The following PARP8 variants were observed in gnomAD, a reference collection of about 807,000 sequenced individuals.
PARP8 encodes protein mono-ADP-ribosyltransferase PARP8.
PARP8 carries 51 observed loss-of-function variants against 124.1 expected under a neutral mutation model. The ratio of observed to expected loss-of-function variants is 0.41; its 90% CI spans 0.33 to 0.52. PARP8 has a LOEUF of 0.52. Ranked by LOEUF, PARP8 falls within the 20% of genes least tolerant of loss-of-function variation. The probability of loss-of-function intolerance (pLI) is 0.21; values close to 1 mark genes in which losing one functional copy is unlikely to be tolerated. For missense variants in PARP8, 860 were observed against 1,018.9 expected (o/e 0.84, Z 2.12); for synonymous variants, 391 against 361.5 (o/e 1.08, Z -0.93).
intron 2 of PARP8, among the ~76,000 whole-genome samples, chr5:50,684,494 G>C (rs929129549): frequency 4.6e-5 from 7 of 151,456 alleles, no homozygotes; most frequent in Admixed American, 4.0e-4. Context: ...GATAATGAAG[G>C]TTTTATATAT....
chr5:50,768,482 T>C (rs1053091180), intron 7 of PARP8, among the ~76,000 whole-genome samples: 4 of 152,222 alleles, frequency 2.6e-5, no homozygotes, highest in African/African-American at 9.6e-5. Flanking sequence ...TGTGGAGGCA[T>C]TCTTTTCAGA....
intron 2 of PARP8, among the ~76,000 whole-genome samples, chr5:50,712,109 C>T (rs1754818833): frequency 6.6e-6 from 1 of 152,092 alleles, no homozygotes; most frequent in African/African-American, 2.4e-5. Context: ...TTAATCTTCA[C>T]TTTATTCAGA....
chr5:50,787,718 C>T (rs1015088704), intron 9 of PARP8, among the ~76,000 whole-genome samples: 6 of 151,696 alleles, frequency 4.0e-5, no homozygotes, highest in South Asian at 2.1e-4. Context: ...GAAAAATGAG[C>T]GACTTTTTTG....
chr5:50,668,475 A>C (rs955840291), intron 2 of PARP8: 44 of 193,532 alleles, frequency 2.3e-4, no homozygotes, highest in Admixed American at 1.5e-3. Flanking sequence ...AAAAGACATA[A>C]AATGTCACAA....
rs139226886 is a variant in PARP8 at position 50,811,678 on chromosome 5, T to G, written c.1576-3754T>G. 8.3e-3 allele frequency among the ~76,000 whole-genome samples: 1,263 copies of G among 152,132 alleles called. 9 individuals are homozygous for G. Among genetic ancestry groups the G allele is most frequent in the Non-Finnish European group, 0.012 (813 of 67,956 alleles). Reference sequence around the variant, plus strand: ...CTATGTATACATGTGCCATGTTGGTTTGCTGCACCCATTAACTCATCATCT... The same window carrying G: ...CTATGTATACATGTGCCATGTTGGTGTGCTGCACCCATTAACTCATCATCT... On this transcript the variant is annotated intron_variant, in intron 14 of 25. Transcript: ENST00000281631.
chr5:50,740,817 GAA>G lies in PARP8; in HGVS notation c.147-9321_147-9320del, dbSNP rs70972942. On this transcript the variant is annotated intron_variant, in intron 2 of 25. Transcript: ENST00000281631. ...AATAGAGTGAGACCTTTTCTCAAAA[GAA>G]AAAAAAAAAAAAGATTATATATTTG... Among the ~76,000 whole-genome samples, 293 of 123,104 alleles carry G rather than the reference GAA, an allele frequency of 2.4e-3. 9 individuals are homozygous for G. The South Asian group carries it at 0.05, about 21-fold the overall frequency. 80.8% of individuals were successfully genotyped at this position (123,104 alleles called of 152,430 possible).
chr5:50,712,682 A>C (rs1362209333), intron 2 of PARP8, among the ~76,000 whole-genome samples: 7 of 152,228 alleles, frequency 4.6e-5, no homozygotes, highest in East Asian at 1.9e-4. Context: ...ATAAAGCAGC[A>C]AACATTATAG....
At chr5:50,801,410 A>G (rs1157190878) in intron 14 of PARP8, among the ~76,000 whole-genome samples, 4 of 152,048 alleles carry the variant, frequency 2.6e-5, no homozygotes, top group East Asian at 1.9e-4. Flanking sequence ...CAAATTATCT[A>G]TTTTATTTTG....
chr5:50,707,824 G>A (rs180670799), intron 2 of PARP8, among the ~76,000 whole-genome samples: 180 of 152,088 alleles, frequency 1.2e-3, no homozygotes, highest in African/African-American at 4.1e-3. Flanking sequence ...CTTATTTAAC[G>A]TATTTTAGAA....
chr5:50,784,249 A>G (rs1248197154), intron 9 of PARP8, among the ~76,000 whole-genome samples: 1 of 152,186 alleles, frequency 6.6e-6, no homozygotes, highest in Non-Finnish European at 1.5e-5. Flanking sequence ...CTAATCTGAC[A>G]GTATATCTGT....
chr5:50,709,769 GA>G (rs1272805895), intron 2 of PARP8, among the ~76,000 whole-genome samples: 7 of 150,450 alleles, frequency 4.7e-5, no homozygotes, highest in Non-Finnish European at 7.4e-5. Flanking sequence ...AAGGAGAAAA[GA>G]AAAAGACCAA....
intron 9 of PARP8, among the ~76,000 whole-genome samples, chr5:50,787,153 C>T (rs1279493482): frequency 1.3e-5 from 2 of 152,108 alleles, no homozygotes; most frequent in African/African-American, 4.8e-5. Context: ...CAAAATCTGT[C>T]CACTCTCCTA....
chr5:50,812,289 C>G (rs903004852), intron 14 of PARP8, among the ~76,000 whole-genome samples: 1 of 152,190 alleles, frequency 6.6e-6, no homozygotes, highest in East Asian at 1.9e-4. Context: ...GCCATTCCAA[C>G]TGGTGTGAGA....
At chr5:50,794,629 G>GA (rs958870630) in intron 11 of PARP8, among the ~76,000 whole-genome samples, 1 of 151,944 alleles carries the variant, frequency 6.6e-6, no homozygotes, top group South Asian at 2.1e-4. Flanking sequence ...AGATAGGAGG[G>GA]AAAAAAAATC....
chr5:50,785,170 T>C (rs879166528), intron 9 of PARP8, among the ~76,000 whole-genome samples: 1 of 152,126 alleles, frequency 6.6e-6, no homozygotes, highest in Admixed American at 6.5e-5. Flanking sequence ...TTATAGGTCA[T>C]TTAGATTTTA....
In PARP8 at chr5:50,833,837, C is replaced by A. The variant is rs1580504770; in HGVS notation, c.2308-142C>A. 6 of 578,122 alleles carry A rather than the reference C, an allele frequency of 1.0e-5. No homozygotes were observed. In the South Asian group the frequency reaches 1.1e-4, roughly 10 times the overall value. The allele number at this position is 578,122 out of a possible 1,614,324, so 35.8% of individuals were successfully genotyped here. On this transcript the variant is annotated intron_variant, in intron 23 of 25. Coordinates refer to ENST00000281631, the MANE Select transcript of PARP8 (RefSeq NM_024615.4). ...AAAATAACTTAATATTAAGAGAGTG[C>A]AAGGAAATTGATGCTAGTCTAGATA... is the stretch of plus-strand genomic sequence containing the variant.
At chr5:50,724,203 T>C (rs1295252407) in intron 2 of PARP8, among the ~76,000 whole-genome samples, 1 of 152,146 alleles carries the variant, frequency 6.6e-6, no homozygotes, top group Non-Finnish European at 1.5e-5. Flanking sequence ...GTTTATATTA[T>C]ATGCCTTTCC....
chr5:50,703,602 T>C (rs1243497213), intron 2 of PARP8, among the ~76,000 whole-genome samples: 1 of 152,150 alleles, frequency 6.6e-6, no homozygotes, highest in Non-Finnish European at 1.5e-5. Flanking sequence ...AGAACAAAGC[T>C]GTGAAATCCC....
chr5:50,711,929 G>T (rs1223000112), intron 2 of PARP8, among the ~76,000 whole-genome samples: 1 of 151,940 alleles, frequency 6.6e-6, no homozygotes, highest in Non-Finnish European at 1.5e-5. Flanking sequence ...TATTTATCTA[G>T]CATTACTGTG....
Sources: gnomAD v4.1 joint callset for allele counts (sites outside exome capture counted in the v4.1 genomes callset) on GRCh38, gnomAD v4.1.1 for gene constraint, MANE v1.5 for transcripts, NCBI Gene and HGNC (gene_info 2026-07-23, HGNC 2026-07-21) for gene names.